The following GLB1L2 variants were observed in gnomAD, a reference collection of about 807,000 sequenced individuals.
GLB1L2 encodes the protein galactosidase beta 1 like 2, also known as beta-galactosidase-1-like protein 2.
GLB1L2 carries 68 observed loss-of-function variants against 84.1 expected under a neutral mutation model. The observed-to-expected ratio is 0.81, with a 90% CI of 0.67 to 0.99. The LOEUF is 0.99. GLB1L2 is among the 50% of genes least tolerant of loss of function. GLB1L2 has a pLI of 0.00. For missense variants in GLB1L2, 762 were observed against 805.6 expected (o/e 0.95, Z 0.66); for synonymous variants, 290 against 318.0 (o/e 0.91, Z 0.94).
intron 15 of GLB1L2, 78 bp downstream of exon 15, chr11:134,371,908 C>T: frequency 7.1e-7 from 1 of 1,413,722 alleles, no homozygotes; most frequent in East Asian, 2.3e-5. Flanking sequence ...TGCTAGCAGG[C>T]CACCAGGCCA....
At chr11:134,353,390 A>G (rs1943659369) in intron 5 of GLB1L2, among the ~76,000 whole-genome samples, 1 of 152,204 alleles carries the variant, frequency 6.6e-6, no homozygotes, top group South Asian at 2.1e-4. Flanking sequence ...AGCCTGGGTG[A>G]CAGAGCAAGA....
At chr11:134,351,680 G>A (rs924001598) in intron 5 of GLB1L2, among the ~76,000 whole-genome samples, 3 of 152,070 alleles carry the variant, frequency 2.0e-5, no homozygotes, top group African/African-American at 7.2e-5. Flanking sequence ...AATCATCCTC[G>A]CATTACAGGA....
At chr11:134,353,593 A>G (rs914228959) in intron 5 of GLB1L2, among the ~76,000 whole-genome samples, 1 of 143,362 alleles carries the variant, frequency 7.0e-6, no homozygotes, top group Admixed American at 6.9e-5. Flanking sequence ...TTTGGTTACT[A>G]ATTTTCTGTC....
chr11:134,366,241 G>A (rs1407946651), intron 8 of GLB1L2, among the ~76,000 whole-genome samples: 2 of 152,192 alleles, frequency 1.3e-5, no homozygotes, highest in African/African-American at 4.8e-5. Context: ...TGATTTAAAC[G>A]TGGTATGGTA....
At chr11:134,374,853 C>T (rs923552787) in intron 18 of GLB1L2, 119 bp from the exon 19 acceptor site, 7 of 1,182,842 alleles carry the variant, frequency 5.9e-6, no homozygotes, top group Non-Finnish European at 8.7e-6. Flanking sequence ...AGTTGTTGGT[C>T]CCTGTCCCTT....
intron 8 of GLB1L2, among the ~76,000 whole-genome samples, chr11:134,365,731 G>A (rs1217774827): frequency 1.3e-5 from 2 of 152,182 alleles, no homozygotes; most frequent in Non-Finnish European, 2.9e-5. Context: ...GGCTTTATGT[G>A]CGCAGTCCAG....
At chr11:134,363,247 C>G (rs948172049) in intron 7 of GLB1L2, among the ~76,000 whole-genome samples, 1 of 152,206 alleles carries the variant, frequency 6.6e-6, no homozygotes, top group African/African-American at 2.4e-5. Flanking sequence ...CAGTCCCGCT[C>G]TGCCGCTACC....
rs1943488733 is a variant in GLB1L2 at position 134,342,859 on chromosome 11, C to T, written c.192C>T (p.Phe64=). Residue 64 remains phenylalanine (F), a synonymous_variant, in exon 2 of 19, where the codon TTC becomes TTT. Transcript: ENST00000535456. ...TGGAGGATTCCACCTTCTGGATCTT[C>T]GGGGGCTCCATCCACTATTTCCGTG... ...FMLEDSTFWI[F]GGSIHYFRVP... 1 of 1,613,982 alleles carries T rather than the reference C, an allele frequency of 6.2e-7. No homozygotes were observed.
In GLB1L2 at chr11:134,334,164, C is replaced by T. The variant is rs747612973; in HGVS notation, c.86+2017C>T. ...GAGTGGGAGGTGGGGCCTCTCCCAG[C>T]TGTTACTGGGCAGTGTTGAGGTGGC... is the stretch of plus-strand genomic sequence containing the variant. On this transcript the variant is annotated intron_variant, in intron 1 of 18. Transcript: ENST00000535456. The surrounding 1 kb of genome is among the most constrained non-coding windows in gnomAD (Gnocchi z 4.1). Among the ~76,000 whole-genome samples the T allele has an allele frequency of 6.6e-6, 1 of 152,240 alleles. No individual in the cohort carries two copies. The highest frequency in any genetic ancestry group is 1.5e-5 in the Non-Finnish European group (1 of 68,020).
chr11:134,363,227 C>T (rs1459100964), intron 7 of GLB1L2, among the ~76,000 whole-genome samples: 1 of 152,170 alleles, frequency 6.6e-6, no homozygotes, highest in African/African-American at 2.4e-5. Context: ...GTCAGGGAGA[C>T]CCAGGTGTGC....
Position 134,332,075 on chromosome 11 carries a change from G to C in GLB1L2, c.14G>C (p.Ser5Thr). The change falls in exon 1 of 19, where the codon AGC (serine) becomes ACC (threonine). Residue 5 changes from serine to threonine, a missense_variant. By Grantham distance (58) the Ser-to-Thr change is moderately conservative. Transcript: ENST00000535456. ...AGAGAACACGCGATGACCACGTGGA[G>C]CCTCCGGCGGAGGCCGGCCCGCACG... MTTWSLRRRPARTLG... is the reference protein window; with the variant it reads MTTWTLRRRPARTLG... 1 of 1,582,774 alleles carries C rather than the reference G, an allele frequency of 6.3e-7. No homozygotes were observed. Among genetic ancestry groups the C allele is most frequent in the Non-Finnish European group, 8.6e-7 (1 of 1,166,426 alleles).
rs772042917 is a variant in GLB1L2 at position 134,370,418 on chromosome 11, C to G, written c.1215+19C>G. 1 of 1,589,030 alleles carries G rather than the reference C, an allele frequency of 6.3e-7. No homozygotes were observed. Among genetic ancestry groups the G allele is most frequent in the East Asian group, 2.2e-5 (1 of 44,738 alleles). On this transcript the variant is annotated intron_variant, in intron 12 of 18. Coordinates refer to ENST00000535456, the MANE Select transcript of GLB1L2 (RefSeq NM_001370461.1). The surrounding 1 kb of genome is among the most constrained non-coding windows in gnomAD (Gnocchi z 4.7). ...GGGGGAGGTGAGTGCTGTGGGCAGT[C>G]ATCGGGAGGTGAGTGAGTGCCGGGG...
chr11:134,355,569 T>A (rs991509145), intron 5 of GLB1L2, among the ~76,000 whole-genome samples: 2 of 152,236 alleles, frequency 1.3e-5, no homozygotes, highest in Admixed American at 6.5e-5. Context: ...TCTGTGTGTG[T>A]GCTTCCCTCC....
chr11:134,373,571 A>T (rs1943984865), intron 15 of GLB1L2, 150 bp from the exon 16 acceptor site: 4 of 626,062 alleles, frequency 6.4e-6, no homozygotes, highest in Non-Finnish European at 2.9e-6. Flanking sequence ...CAGGGAGCGT[A>T]CACTTCAGTA....
In GLB1L2 at chr11:134,373,096, G is replaced by T. The variant is rs970009008; in HGVS notation, c.1508-625G>T. Among the ~76,000 whole-genome samples, 8 of 152,116 alleles carry T rather than the reference G, an allele frequency of 5.3e-5. No homozygotes were observed. In the South Asian group the frequency reaches 1.5e-3, roughly 28 times the overall value. On this transcript the variant is annotated intron_variant, in intron 15 of 18. Coordinates refer to ENST00000535456, the MANE Select transcript of GLB1L2 (RefSeq NM_001370461.1). Reference sequence around the variant, plus strand: ...CACATAGACCCGCACCTGCCATTTCGGAGTCTGTAGGCCCTGCAAAGCCTC... The same window carrying T: ...CACATAGACCCGCACCTGCCATTTCTGAGTCTGTAGGCCCTGCAAAGCCTC...
intron 9 of GLB1L2, among the ~76,000 whole-genome samples, chr11:134,367,958 C>A (rs2136286294): frequency 6.6e-6 from 1 of 152,342 alleles, no homozygotes; most frequent in East Asian, 1.9e-4. Context: ...GCGCACCCGG[C>A]TTTCCCTGGG....
At chr11:134,371,180 T>C (rs749008411) in intron 13 of GLB1L2, 32 bp downstream of exon 13, 74 of 1,612,856 alleles carry the variant, frequency 4.6e-5, no homozygotes, top group Non-Finnish European at 6.2e-5. Context: ...TCCTGTGACC[T>C]TCTGGTGAGC....
At chr11:134,347,121 G>T in intron 4 of GLB1L2, 1 of 549,240 alleles carries the variant, frequency 1.8e-6, no homozygotes, top group Non-Finnish European at 3.3e-6. Context: ...TGTCCTTGGG[G>T]AGGGAAGCTG....
intron 4 of GLB1L2, chr11:134,346,672 A>C (rs1420735947): frequency 6.6e-6 from 1 of 152,492 alleles, no homozygotes; most frequent in Non-Finnish European, 1.5e-5. Flanking sequence ...TTGTTAGAAA[A>C]TATGTGTCTT....
Sources: allele counts gnomAD v4.1 joint callset (sites outside exome capture counted in the v4.1 genomes callset), GRCh38; gene constraint gnomAD v4.1.1; non-coding constraint Gnocchi (gnomAD v3.1); transcripts MANE v1.5; gene names NCBI Gene and HGNC (gene_info 2026-07-23, HGNC 2026-07-21).